The following EIF4G1 variants were observed in gnomAD, a reference collection of about 807,000 sequenced individuals.
EIF4G1 encodes eukaryotic translation initiation factor 4 gamma 1.
A neutral mutation model predicts 187.8 loss-of-function variants in EIF4G1; 4 were observed. The ratio of observed to expected loss-of-function variants is 0.02; its 90% CI spans 0.01 to 0.05. The LOEUF (loss-of-function observed/expected upper bound fraction) is 0.05. Ranked by LOEUF, EIF4G1 falls within the 10% of genes least tolerant of loss-of-function variation. The pLI, the probability that EIF4G1 is intolerant of heterozygous loss-of-function variation, is 1.00. For missense variants in EIF4G1, 1,647 were observed against 2,081.1 expected (o/e 0.79, Z 4.06); for synonymous variants, 844 against 781.4 (o/e 1.08, Z -1.34).
chr3:184,325,444 C>T lies in EIF4G1; in HGVS notation c.2962-36C>T, dbSNP rs758581527. 4 of 1,614,168 alleles carry T rather than the reference C, an allele frequency of 2.5e-6. No individual in the cohort carries two copies. Among genetic ancestry groups the T allele is most frequent in the East Asian group, 2.2e-5 (1 of 44,878 alleles). On this transcript the variant is annotated intron_variant, in intron 19 of 32. Transcript: ENST00000346169. This position sits in a 1 kb window ranked among gnomAD's most constrained non-coding sequence, Gnocchi z 5.2. ...TCTGACACTGCCTTGTCTTGCCTTC[C>T]CTGACATCATCGTGACTGGCCCTCT...
chr3:184,321,165 T>G, intron 9 of EIF4G1, 117 bp from the exon 10 acceptor site: 1 of 1,502,826 alleles, frequency 6.7e-7, no homozygotes, highest in African/African-American at 1.4e-5. Flanking sequence ...ATAGCTTAGG[T>G]GGGGAGAAGA....
At chr3:184,329,026 C>A (rs770037259) in intron 28 of EIF4G1, 36 bp downstream of exon 28, 1 of 1,612,154 alleles carries the variant, frequency 6.2e-7, no homozygotes, top group Admixed American at 1.7e-5. Context: ...ATGCCTCCCA[C>A]GGTGTGGTTT....
At position 184,327,448 on chromosome 3, in the gene EIF4G1, G is replaced by A. The variant is rs779579910; in HGVS notation, c.3661G>A (p.Val1221Met). Residue 1221 changes from valine to methionine, a missense_variant and splice_region_variant, in exon 24 of 33, where the codon GTG becomes ATG. Coordinates refer to ENST00000346169, the MANE Select transcript of EIF4G1 (RefSeq NM_198241.3). ...TEDRDRGRDAVKREAALPPVS... is the reference protein window; with the variant it reads ...TEDRDRGRDAMKREAALPPVS... Reference sequence around the variant, plus strand: ...GGATCGGGACCGTGGGCGGGATGCCGGTGAGAGTCTGGGAGAGGAATGGAG... The same window carrying A: ...GGATCGGGACCGTGGGCGGGATGCCAGTGAGAGTCTGGGAGAGGAATGGAG... The A allele has an allele frequency of 2.1e-5, 34 of 1,613,456 alleles. No homozygotes were observed. Among genetic ancestry groups the A allele is most frequent in the Admixed American group, 5.0e-5 (3 of 60,008 alleles).
intron 6 of EIF4G1, 97 bp downstream of exon 6, chr3:184,317,913 C>A: frequency 2.2e-6 from 2 of 921,978 alleles, no homozygotes; most frequent in Non-Finnish European, 3.5e-6. Flanking sequence ...CCAGGCTTGG[C>A]TTCTGGTCTA....
chr3:184,331,934 G>A lies in EIF4G1; in HGVS notation c.4478-12G>A, dbSNP rs759504669. The A allele has an allele frequency of 1.2e-6, 2 of 1,614,202 alleles. No individual in the cohort carries two copies. Among genetic ancestry groups the A allele is most frequent in the Non-Finnish European group, 1.7e-6 (2 of 1,180,038 alleles). On this transcript the variant is annotated splice_polypyrimidine_tract_variant and intron_variant, in intron 31 of 32. Transcript: ENST00000346169. ...AGGGTATATTGCTCCACTCATCCCT[G>A]TCTTCTTGTAGTTGAGACTCCCCTC...
chr3:184,331,428 T>C lies in EIF4G1; in HGVS notation c.4261-44T>C, dbSNP rs201661891. The C allele has an allele frequency of 1.9e-5, 30 of 1,614,200 alleles. No homozygotes were observed. In the East Asian group the frequency reaches 6.2e-4, roughly 34 times the overall value. Reference sequence around the variant, plus strand: ...CTGGCCAGTCTTCTTTCTTGTCTCCTGTTGGCAACCTTACCTCTTAACTGC... The same window carrying C: ...CTGGCCAGTCTTCTTTCTTGTCTCCCGTTGGCAACCTTACCTCTTAACTGC... On this transcript the variant is annotated intron_variant, in intron 29 of 32. Coordinates refer to ENST00000346169, the MANE Select transcript of EIF4G1 (RefSeq NM_198241.3).
intron 6 of EIF4G1, among the ~76,000 whole-genome samples, chr3:184,319,422 GA>G (rs1723388813): frequency 6.9e-6 from 1 of 144,822 alleles, no homozygotes; most frequent in Non-Finnish European, 1.5e-5. Flanking sequence ...GCCTGCCTAC[GA>G]GGGGTGTGTG....
chr3:184,314,770 C>T (rs1320910287), intron 1 of EIF4G1, 96 bp downstream of exon 1: 1 of 147,166 alleles, frequency 6.8e-6, no homozygotes, highest in East Asian at 2.0e-4. Flanking sequence ...TGCGCCGCCG[C>T]CCCGGCGCCC....
chr3:184,327,915 G>T lies in EIF4G1; in HGVS notation c.3866G>T (p.Arg1289Leu). The T allele has an allele frequency of 6.2e-7, 1 of 1,613,290 alleles. No individual in the cohort carries two copies. The highest frequency in any genetic ancestry group is 8.5e-7 in the Non-Finnish European group (1 of 1,180,038). Residue 1289 changes from arginine to leucine, a missense_variant, in exon 26 of 33, where the codon CGC (arginine) becomes CTC (leucine). Physicochemically the swap from Arg to Leu is moderately radical, Grantham distance 102. This residue lies in a region of EIF4G1 where 543 missense variants were observed against 638.0 expected (regional missense o/e 0.85). Transcript: ENST00000346169. ...VRHGVESTLE[R>L]SAIAREHMGQ... The stretch of plus-strand genomic sequence containing the variant: ...CATGGTGTCGAGTCTACGCTGGAGC[G>T]CAGTGCCATTGCTCGTGAGCATATG...
At position 184,315,749 on chromosome 3, in the gene EIF4G1, C is replaced by G; in HGVS notation, c.-34-14C>G. 1 of 1,547,310 alleles carries G rather than the reference C, an allele frequency of 6.5e-7. No individual in the cohort carries two copies. Among genetic ancestry groups the G allele is most frequent in the Non-Finnish European group, 8.7e-7 (1 of 1,142,990 alleles). ...GGTCCCTTCCTCTTCCTGAGCGCCA[C>G]TCTTTCCCAACAGGTGCTGGGGGGA... On this transcript the variant is annotated splice_polypyrimidine_tract_variant and intron_variant, in intron 2 of 32. Transcript: ENST00000346169.
chr3:184,324,385 A>T (rs778655154), intron 17 of EIF4G1, 38 bp downstream of exon 17: 3 of 1,613,522 alleles, frequency 1.9e-6, no homozygotes, highest in Non-Finnish European at 2.5e-6. Context: ...CTCACCACTT[A>T]CCTCCTTCCC....
chr3:184,314,926 C>T (rs1414516241), intron 1 of EIF4G1, among the ~76,000 whole-genome samples: 2 of 151,068 alleles, frequency 1.3e-5, no homozygotes, highest in African/African-American at 4.9e-5. Flanking sequence ...GGTAGGGCGC[C>T]GGGTTCGTCG....
Position 184,321,686 on chromosome 3 carries a change from G to A in EIF4G1, c.1102G>A (p.Glu368Lys), listed in dbSNP as rs924110845. ...TGAGCCTAATGGCATGGTCCCATCT[G>A]AAGATCTGGAACCAGAGGTGGAGTC... The part of the protein sequence containing the change: ...IHEPNGMVPS[E>K]DLEPEVESSP... The change falls in exon 10 of 33, where the codon GAA becomes AAA. Residue 368 changes from glutamate (E) to lysine (K), a missense_variant. By Grantham distance (56) the Glu-to-Lys change is moderately conservative. Transcript: ENST00000346169. The A allele has an allele frequency of 3.8e-6, 6 of 1,594,700 alleles. No individual in the cohort carries two copies. In the African/African-American group the frequency reaches 8.1e-5, roughly 21 times the overall value.
intron 1 of EIF4G1, among the ~76,000 whole-genome samples, chr3:184,314,992 G>A (rs1722466549): frequency 6.6e-6 from 1 of 151,052 alleles, no homozygotes. Flanking sequence ...ACGGGCGCAG[G>A]CACCACGGCT....
intron 6 of EIF4G1, chr3:184,319,073 C>CA (rs557405660): frequency 0.041 from 4,737 of 115,816 alleles, 88 homozygotes; most frequent in African/African-American, 0.052. Flanking sequence ...GACTCCATCT[C>CA]AAAAAAAAAA....
intron 9 of EIF4G1, 139 bp downstream of exon 9, chr3:184,321,132 G>T: frequency 6.7e-7 from 1 of 1,489,262 alleles, no homozygotes; most frequent in South Asian, 1.2e-5. Context: ...AGGGTGAATT[G>T]GGTTTTGGAT....
Position 184,325,428 on chromosome 3 carries a change from G to A in EIF4G1, c.2962-52G>A. ...CCTGCTGCCTCCAGTTTCTGACACT[G>A]CCTTGTCTTGCCTTCCCTGACATCA... is the stretch of plus-strand genomic sequence containing the variant. On this transcript the variant is annotated intron_variant, in intron 19 of 32. Transcript: ENST00000346169. This position sits in a 1 kb window ranked among gnomAD's most constrained non-coding sequence, Gnocchi z 5.2. The A allele has an allele frequency of 1.2e-6, 2 of 1,614,162 alleles. No homozygotes were observed. Among genetic ancestry groups the A allele is most frequent in the Non-Finnish European group, 1.7e-6 (2 of 1,180,020 alleles).
Position 184,323,972 on chromosome 3 carries a change from A to G in EIF4G1, c.2467A>G (p.Met823Val). The change falls in exon 16 of 33, where the codon ATG (methionine) becomes GTG (valine). Residue 823 changes from methionine (M) to valine (V), a missense_variant. This residue lies in a region of EIF4G1 where 36 missense variants were observed against 87.6 expected (regional missense o/e 0.41). Transcript: ENST00000346169. This position sits in a 1 kb window ranked among gnomAD's most constrained non-coding sequence, Gnocchi z 6.9. ...VAYANMCRCL[M>V]ALKVPTTEKP... Reference sequence around the variant, plus strand: ...CTATGCCAACATGTGCCGCTGCCTCATGGCGGTTAGTTTCCAGTGGGTTCT... The same window carrying G: ...CTATGCCAACATGTGCCGCTGCCTCGTGGCGGTTAGTTTCCAGTGGGTTCT... 6.2e-7 allele frequency: 1 copy of G among 1,613,730 alleles called. No individual in the cohort carries two copies. The highest frequency in any genetic ancestry group is 8.5e-7 in the Non-Finnish European group (1 of 1,180,036).
In EIF4G1 at chr3:184,323,791, C is replaced by T. The variant is rs1334285605; in HGVS notation, c.2286C>T (p.Arg762=). The part of the protein sequence containing the change: ...ADGSKTQDLF[R]RVRSILNKLT... ...TCTTCTCCCTCCAGGACCTATTCCG[C>T]AGGGTGCGCTCCATCCTGAATAAAC... Residue 762 remains arginine (R), a synonymous_variant, in exon 16 of 33, where the codon CGC becomes CGT. Coordinates refer to ENST00000346169, the MANE Select transcript of EIF4G1 (RefSeq NM_198241.3). This position sits in a 1 kb window ranked among gnomAD's most constrained non-coding sequence, Gnocchi z 6.9. The T allele has an allele frequency of 6.2e-7, 1 of 1,613,960 alleles. No individual in the cohort carries two copies. Among genetic ancestry groups the T allele is most frequent in the East Asian group, 2.2e-5 (1 of 44,888 alleles).
Sources: gnomAD v4.1 joint callset for allele counts (sites outside exome capture counted in the v4.1 genomes callset) on GRCh38, gnomAD v4.1.1 for gene constraint, gnomAD v4.1.1 regional missense constraint, Gnocchi (gnomAD v3.1) non-coding constraint, MANE v1.5 for transcripts, NCBI Gene and HGNC (gene_info 2026-07-23, HGNC 2026-07-21) for gene names.